The following NAV3 variants were observed in gnomAD, a reference collection of about 807,000 sequenced individuals.
The protein encoded by NAV3 is neuron navigator 3, also known as pore membrane and/or filament interacting like protein 1.
In NAV3, 87 loss-of-function variants were observed where a neutral mutation model predicts 244.7. The observed-to-expected ratio is 0.36, with a 90% CI of 0.30 to 0.42. NAV3 has a LOEUF of 0.42. Among genes scored for constraint, NAV3 ranks in the 20% least tolerant of loss-of-function variants. The pLI is 1.00. For synonymous variants in NAV3, 1,126 were observed against 1,042.2 expected, an observed-to-expected ratio of 1.08 and a Z score of -1.55; for missense variants, 2,663 against 2,893.3, an observed-to-expected ratio of 0.92 and a Z score of 1.83.
At chr12:78,173,871 T>C (rs567844788) in intron 24 of NAV3, among the ~76,000 whole-genome samples, 132 of 151,718 alleles carry the variant, frequency 8.7e-4, no homozygotes, top group African/African-American at 3.0e-3. Flanking sequence ...CACACACACA[T>C]ATATATGTAG....
In NAV3 at chr12:77,580,219, A is replaced by AAAACAAAC. The variant is rs540863736; in HGVS notation, c.72+7954_72+7955insAACAAACA. ...TTTCTTTATTTGGGGGTAGGGTGGGAACACACACACACACACACACACACA... is the reference window on the plus strand; with the variant it reads ...TTTCTTTATTTGGGGGTAGGGTGGGAAAACAAACACACACACACACACACACACACACA... On this transcript the variant is annotated intron_variant, in intron 2 of 8. Coordinates refer to the NAV3 transcript ENST00000550042. 8.0e-4 allele frequency among the ~76,000 whole-genome samples: 116 copies of AAAACAAAC among 145,488 alleles called. 1 individual carries two copies. The highest frequency in any genetic ancestry group is 1.3e-3 in the Non-Finnish European group (88 of 66,494).
intron 5 of NAV3, among the ~76,000 whole-genome samples, chr12:77,989,186 T>G (rs1871039116): frequency 6.6e-6 from 1 of 152,188 alleles, no homozygotes; most frequent in Non-Finnish European, 1.5e-5. Context: ...TAAGCCTTTC[T>G]TGCTCTCTTT....
intron 1 of NAV3, among the ~76,000 whole-genome samples, chr12:77,865,898 A>T (rs1879939432): frequency 6.8e-6 from 1 of 148,112 alleles, no homozygotes; most frequent in East Asian, 2.0e-4. Flanking sequence ...TATTTTGAAC[A>T]TAGTGGGTAA....
chr12:78,025,581 G>A (rs1326199585), intron 9 of NAV3, among the ~76,000 whole-genome samples: 2 of 114,832 alleles, frequency 1.7e-5, no homozygotes, highest in Non-Finnish European at 3.3e-5. Flanking sequence ...GGGTGACAGA[G>A]CTAGACTCCA....
At chr12:78,001,634 A>C (rs1201241020) in intron 7 of NAV3, among the ~76,000 whole-genome samples, 1 of 152,230 alleles carries the variant, frequency 6.6e-6, no homozygotes, top group Non-Finnish European at 1.5e-5. Flanking sequence ...GATACATCTA[A>C]TATCATTTTA....
At chr12:78,067,664 G>A (rs1885180690) in intron 12 of NAV3, among the ~76,000 whole-genome samples, 1 of 151,978 alleles carries the variant, frequency 6.6e-6, no homozygotes, top group African/African-American at 2.4e-5. Context: ...TATATTAGAA[G>A]AGCATTAGAA....
At chr12:77,620,749 A>G (rs1371449191) in intron 2 of NAV3, among the ~76,000 whole-genome samples, 3 of 152,146 alleles carry the variant, frequency 2.0e-5, no homozygotes, top group African/African-American at 7.2e-5. Context: ...GGCATGAGCC[A>G]TTGTGTCTGG....
intron 2 of NAV3, among the ~76,000 whole-genome samples, chr12:77,789,316 T>TC (rs11442262): frequency 0.97 from 147,306 of 152,094 alleles, 71,523 homozygotes; most frequent in East Asian, 1. Context: ...AGCCCTTCCT[T>TC]CCCTTACCAA....
At chr12:78,133,989 G>A (rs903978836) in intron 18 of NAV3, among the ~76,000 whole-genome samples, 2 of 152,118 alleles carry the variant, frequency 1.3e-5, no homozygotes, top group Admixed American at 6.5e-5. Context: ...ATGCCTCCAT[G>A]CATGATAACA....
chr12:77,750,551 A>T (rs1046740594), intron 2 of NAV3, among the ~76,000 whole-genome samples: 1 of 152,016 alleles, frequency 6.6e-6, no homozygotes, highest in Non-Finnish European at 1.5e-5. Context: ...TCTAAAAAAA[A>T]AAAAGTAAAA....
At chr12:77,792,467 A>G (rs1256685528) in intron 2 of NAV3, among the ~76,000 whole-genome samples, 1 of 152,200 alleles carries the variant, frequency 6.6e-6, no homozygotes. Flanking sequence ...CACAAGCTAC[A>G]GGGAGCATCA....
At chr12:77,813,879 C>T (rs1872413452) in intron 2 of NAV3, among the ~76,000 whole-genome samples, 2 of 152,172 alleles carry the variant, frequency 1.3e-5, no homozygotes, top group South Asian at 4.1e-4. Context: ...GGTTTTCTTG[C>T]ATCTAATGTA....
intron 1 of NAV3, among the ~76,000 whole-genome samples, chr12:77,903,830 T>G (rs1258490505): frequency 6.6e-6 from 1 of 151,918 alleles, no homozygotes; most frequent in African/African-American, 2.4e-5. Context: ...AAAAAGTGGG[T>G]GAAGGATATG....
intron 9 of NAV3, among the ~76,000 whole-genome samples, chr12:78,038,772 GA>G (rs1240656627): frequency 6.6e-6 from 1 of 152,140 alleles, no homozygotes; most frequent in Admixed American, 6.5e-5. Flanking sequence ...TGTAGAATCA[GA>G]TAATATTCCT....
intron 2 of NAV3, among the ~76,000 whole-genome samples, chr12:77,765,057 A>T (rs1869669653): frequency 6.6e-6 from 1 of 152,272 alleles, no homozygotes; most frequent in Non-Finnish European, 1.5e-5. Flanking sequence ...GTATTTGGAA[A>T]GGGGAAGTCC....
intron 12 of NAV3, among the ~76,000 whole-genome samples, chr12:78,113,182 CA>C (rs1175173847): frequency 6.6e-6 from 1 of 152,254 alleles, no homozygotes; most frequent in Non-Finnish European, 1.5e-5. Context: ...GCTGCTTTTA[CA>C]AGCTAGTGTT....
intron 8 of NAV3, among the ~76,000 whole-genome samples, chr12:78,012,335 C>A (rs1027099988): frequency 6.6e-6 from 1 of 152,014 alleles, no homozygotes; most frequent in Non-Finnish European, 1.5e-5. Flanking sequence ...GGGCTCTTTG[C>A]AGTAACATCC....
chr12:78,199,317 T>A lies in NAV3; in HGVS notation c.6519-18T>A, dbSNP rs1959373995. On this transcript the variant is annotated intron_variant, in intron 36 of 39. Transcript: ENST00000397909. ...ATTTAATTTATATAAAAATGTCTGA[T>A]TTTTTTTCTTTTTGTAGGTGGGTAT... 6.4e-7 allele frequency: 1 copy of A among 1,552,440 alleles called. No homozygotes were observed. The highest frequency in any genetic ancestry group is 1.2e-5 in the South Asian group (1 of 81,680).
intron 2 of NAV3, among the ~76,000 whole-genome samples, chr12:77,634,110 C>T (rs1872045846): frequency 9.1e-6 from 1 of 109,964 alleles, no homozygotes; most frequent in Non-Finnish European, 1.8e-5. Context: ...TTTCCAACCA[C>T]CTTGGCAAAT....
Sources: allele counts gnomAD v4.1 joint callset (sites outside exome capture counted in the v4.1 genomes callset), GRCh38; gene constraint gnomAD v4.1.1; transcripts MANE v1.5; gene names NCBI Gene and HGNC (gene_info 2026-07-23, HGNC 2026-07-21).